The following CSMD1 variants were observed in gnomAD, a reference collection of about 807,000 sequenced individuals.
The protein encoded by CSMD1 is CUB and Sushi multiple domains 1, also known as CUB and sushi domain-containing protein 1.
A neutral mutation model predicts 417.5 loss-of-function variants in CSMD1; 213 were observed. The observed-to-expected ratio is 0.51, with a 90% CI of 0.46 to 0.57. CSMD1 has a LOEUF of 0.57. CSMD1 is among the 20% of genes least tolerant of loss of function. The probability of loss-of-function intolerance (pLI) is 0.00; values close to 1 mark genes in which losing one functional copy is unlikely to be tolerated. For synonymous variants in CSMD1, 2,862 were observed against 1,736.8 expected (o/e 1.65, Z -16.11); for missense variants, 6,923 against 4,529.7 (o/e 1.53, Z -15.17).
chr8:3,933,316 G>A (rs1021019893), intron 5 of CSMD1, among the ~76,000 whole-genome samples: 1 of 152,104 alleles, frequency 6.6e-6, no homozygotes, highest in Admixed American at 6.6e-5. Flanking sequence ...TTTGTTAACT[G>A]AAGCTTTCAT....
intron 39 of CSMD1, among the ~76,000 whole-genome samples, chr8:3,152,434 ATT>A (rs1819254697): frequency 6.6e-6 from 1 of 152,218 alleles, no homozygotes; most frequent in Admixed American, 6.5e-5. Context: ...CAATGCTCTC[ATT>A]ATGCAAAATG....
intron 2 of CSMD1, among the ~76,000 whole-genome samples, chr8:4,425,968 T>C (rs370672276): frequency 2.6e-5 from 4 of 151,934 alleles, no homozygotes; most frequent in East Asian, 1.9e-4. Flanking sequence ...TTTAGAGAGG[T>C]AGACATAGCC....
intron 1 of CSMD1, among the ~76,000 whole-genome samples, chr8:4,722,263 A>G (rs942707536): frequency 6.6e-6 from 1 of 152,176 alleles, no homozygotes; most frequent in Admixed American, 6.6e-5. Context: ...TCAAGCTATC[A>G]TATTATATTC....
At chr8:3,020,171 A>C (rs1365057396) in intron 51 of CSMD1, among the ~76,000 whole-genome samples, 1 of 152,232 alleles carries the variant, frequency 6.6e-6, no homozygotes, top group Non-Finnish European at 1.5e-5. Context: ...GGTTGATAAT[A>C]GCTCCTACTG....
intron 2 of CSMD1, among the ~76,000 whole-genome samples, chr8:4,454,317 A>C (rs955545055): frequency 6.6e-6 from 1 of 152,136 alleles, no homozygotes; most frequent in Non-Finnish European, 1.5e-5. Context: ...CTTCTTCCGC[A>C]TCCTTGTCAG....
intron 52 of CSMD1, among the ~76,000 whole-genome samples, chr8:3,001,153 ATT>A (rs1807375765): frequency 6.6e-6 from 1 of 151,784 alleles, no homozygotes; most frequent in South Asian, 2.1e-4. Flanking sequence ...TGCCTGAGTA[ATT>A]TTTTTATTAT....
At chr8:4,262,650 G>C (rs915648655) in intron 3 of CSMD1, among the ~76,000 whole-genome samples, 73 of 152,186 alleles carry the variant, frequency 4.8e-4, no homozygotes, top group African/African-American at 1.7e-3. Context: ...GCCTGGGGCT[G>C]AAAGAGTAAA....
At chr8:4,440,728 G>A (rs1023127674) in intron 2 of CSMD1, among the ~76,000 whole-genome samples, 1 of 152,098 alleles carries the variant, frequency 6.6e-6, no homozygotes, top group African/African-American at 2.4e-5. Context: ...GGGTGTGGTG[G>A]TTCATGCCTA....
In CSMD1 at chr8:4,677,502, C is replaced by G. The variant is rs75489214; in HGVS notation, c.86-39944G>C. On this transcript the variant is annotated intron_variant, in intron 1 of 69. Coordinates refer to ENST00000635120, the MANE Select transcript of CSMD1 (RefSeq NM_033225.6). ...CTCTAATCATTTTTATATGTTCAAG[C>G]CAGAAGAAATTTTCCAGTGAAGGAT... Among the ~76,000 whole-genome samples, 16 of 152,182 alleles carry G rather than the reference C, an allele frequency of 1.1e-4. No homozygotes were observed. The East Asian group carries it at 3.1e-3, about 29-fold the overall frequency.
intron 2 of CSMD1, among the ~76,000 whole-genome samples, chr8:4,420,911 C>G (rs1563155590): frequency 6.6e-6 from 1 of 152,194 alleles, no homozygotes; most frequent in African/African-American, 2.4e-5. Flanking sequence ...GAGCCCTCCT[C>G]CCTCCCTGTC....
chr8:3,809,733 G>T (rs780729848), intron 5 of CSMD1, among the ~76,000 whole-genome samples: 1 of 152,144 alleles, frequency 6.6e-6, no homozygotes, highest in Non-Finnish European at 1.5e-5. Flanking sequence ...CTTCAAGGAA[G>T]GTTTTCCTAA....
intron 7 of CSMD1, among the ~76,000 whole-genome samples, chr8:3,669,754 G>C (rs184169435): frequency 4.6e-5 from 7 of 152,204 alleles, no homozygotes; most frequent in South Asian, 2.1e-4. Flanking sequence ...ACCTGGCTAA[G>C]CCTGAGGCTA....
chr8:4,471,590 C>T (rs553671172), intron 2 of CSMD1, among the ~76,000 whole-genome samples: 1 of 152,052 alleles, frequency 6.6e-6, no homozygotes, highest in African/African-American at 2.4e-5. Context: ...GAGAGAGGTG[C>T]AGGGAGAAAA....
At chr8:4,790,885 G>A (rs1319612615) in intron 1 of CSMD1, among the ~76,000 whole-genome samples, 5 of 152,070 alleles carry the variant, frequency 3.3e-5, no homozygotes, top group Non-Finnish European at 5.9e-5. Context: ...AACCCTAGAA[G>A]GAAACATAGG....
Position 3,526,866 on chromosome 8 carries a change from T to C in CSMD1, c.1345-33140A>G, listed in dbSNP as rs189699287. Among the ~76,000 whole-genome samples, 787 of 152,324 alleles carry C rather than the reference T, an allele frequency of 5.2e-3. 4 individuals carry two copies. Among genetic ancestry groups the C allele is most frequent in the Non-Finnish European group, 8.4e-3 (571 of 68,034 alleles). On this transcript the variant is annotated intron_variant, in intron 10 of 69. Transcript: ENST00000635120. ...CTTATTTACCCAATCATCATTTTCT[T>C]TGGAGAGGTAAAGTGCTAGTAATTC... is the stretch of plus-strand genomic sequence containing the variant.
intron 29 of CSMD1, among the ~76,000 whole-genome samples, chr8:3,215,644 T>C (rs1797841180): frequency 6.6e-6 from 1 of 152,238 alleles, no homozygotes; most frequent in African/African-American, 2.4e-5. Context: ...TTCAGTCATG[T>C]TGTTCTGCAG....
intron 1 of CSMD1, among the ~76,000 whole-genome samples, chr8:4,671,274 G>T (rs1805308265): frequency 6.6e-6 from 1 of 152,086 alleles, no homozygotes; most frequent in South Asian, 2.1e-4. Context: ...ATTAGGGCAG[G>T]TTACTGAATG....
chr8:3,576,913 A>C (rs1457480427), intron 9 of CSMD1, among the ~76,000 whole-genome samples: 2 of 152,254 alleles, frequency 1.3e-5, no homozygotes, highest in South Asian at 4.1e-4. Context: ...TTAACACTTC[A>C]TAATTAACAG....
chr8:3,502,618 G>C (rs1205615554), intron 10 of CSMD1, among the ~76,000 whole-genome samples: 1 of 152,150 alleles, frequency 6.6e-6, no homozygotes, highest in Non-Finnish European at 1.5e-5. Context: ...TTTAGAAGGT[G>C]ACGTGTTGCA....
Sources: gnomAD v4.1 joint callset for allele counts (sites outside exome capture counted in the v4.1 genomes callset) on GRCh38, gnomAD v4.1.1 for gene constraint, MANE v1.5 for transcripts, NCBI Gene and HGNC (gene_info 2026-07-23, HGNC 2026-07-21) for gene names.